The following SH3BP4 variants were observed in gnomAD, a reference collection of about 807,000 sequenced individuals.
SH3BP4 encodes the protein SH3 domain-binding protein 4.
In SH3BP4, 33 loss-of-function variants were observed where a neutral mutation model predicts 65.5. That is an observed-to-expected ratio of 0.50 (90% confidence interval 0.38 to 0.67). The LOEUF (loss-of-function observed/expected upper bound fraction) is 0.67, where lower values mean the gene tolerates loss of function less well. Among genes scored for constraint, SH3BP4 ranks in the 30% least tolerant of loss-of-function variants. The pLI, the probability that SH3BP4 is intolerant of heterozygous loss-of-function variation, is 0.00. For synonymous variants in SH3BP4, 552 were observed against 545.5 expected, an observed-to-expected ratio of 1.01 and a Z score of -0.17; for missense variants, 1,134 against 1,261.4, an observed-to-expected ratio of 0.90 and a Z score of 1.53.
chr2:234,966,867 A>C (rs982581814), intron 1 of SH3BP4, among the ~76,000 whole-genome samples: 2 of 152,266 alleles, frequency 1.3e-5, no homozygotes, highest in Admixed American at 1.3e-4. Flanking sequence ...GCTTTGCTTA[A>C]TTAAGGTAAC....
In SH3BP4 at chr2:234,984,269, C is replaced by T. The variant is rs970950090; in HGVS notation, c.-206-11034C>T. On this transcript the variant is annotated intron_variant, in intron 1 of 5. Transcript: ENST00000392011. Reference sequence around the variant, plus strand: ...CCAGGCTGGAGTGCAGTGGTGCAATCATGGCTCACTGCAACCTCGACCTCT... The same window carrying T: ...CCAGGCTGGAGTGCAGTGGTGCAATTATGGCTCACTGCAACCTCGACCTCT... 7.9e-5 allele frequency among the ~76,000 whole-genome samples: 12 copies of T among 152,334 alleles called. No individual in the cohort carries two copies. In the East Asian group the frequency reaches 2.3e-3, roughly 29 times the overall value.
Position 234,967,134 on chromosome 2 carries a change from T to C in SH3BP4, c.-207+14964T>C, listed in dbSNP as rs1692856371. On this transcript the variant is annotated intron_variant, in intron 1 of 5. Coordinates refer to ENST00000392011, the MANE Select transcript of SH3BP4 (RefSeq NM_014521.3). This position sits in a 1 kb window ranked among gnomAD's most constrained non-coding sequence, Gnocchi z 4.6. Reference sequence around the variant, plus strand: ...CGGGAAACTGAGGAACCATGGGGTTTAGGGACTTGTGTGAGCTGGGAAGTG... The same window carrying C: ...CGGGAAACTGAGGAACCATGGGGTTCAGGGACTTGTGTGAGCTGGGAAGTG... Among the ~76,000 whole-genome samples the C allele has an allele frequency of 6.6e-6, 1 of 152,142 alleles. No homozygotes were observed. Among genetic ancestry groups the C allele is most frequent in the African/African-American group, 2.4e-5 (1 of 41,424 alleles).
rs1327444487 is a variant in SH3BP4 at position 235,041,771 on chromosome 2, C to T, written c.1002C>T (p.Asp334=). The change falls in exon 4 of 6, where the codon GAC becomes GAT. Residue 334 remains aspartate, a synonymous_variant. Transcript: ENST00000392011. This position sits in a 1 kb window ranked among gnomAD's most constrained non-coding sequence, Gnocchi z 6.0. ...CCGGGGGTGCTGTCCAGCTTCCTGA[C>T]ACCAGCATCAGCATCCACGTGCCCG... The part of the protein sequence containing the change: ...DSSGGAVQLP[D]TSISIHVPEG... 2 of 1,598,964 alleles carry T rather than the reference C, an allele frequency of 1.3e-6. No individual in the cohort carries two copies. Among genetic ancestry groups the T allele is most frequent in the East Asian group, 2.2e-5 (1 of 44,626 alleles).
chr2:235,000,634 A>AG lies in SH3BP4; in HGVS notation c.-133+5260dup, dbSNP rs1445660058. 2.6e-5 allele frequency among the ~76,000 whole-genome samples: 4 copies of AG among 152,200 alleles called. No individual in the cohort carries two copies. The East Asian group carries it at 7.7e-4, about 29-fold the overall frequency. On this transcript the variant is annotated intron_variant, in intron 2 of 5. Transcript: ENST00000392011. ...CGATGTTCATGTCCCCATTGCGTAGAGGTGGGTCCTGTAGTCCCACATGTG... is the reference window on the plus strand; with the variant it reads ...CGATGTTCATGTCCCCATTGCGTAGAGGGTGGGTCCTGTAGTCCCACATGTG...
intron 2 of SH3BP4, among the ~76,000 whole-genome samples, chr2:235,016,303 C>CT (rs1381758092): frequency 2.0e-5 from 3 of 152,104 alleles, no homozygotes; most frequent in Non-Finnish European, 4.4e-5. Flanking sequence ...TCTGCTGCTT[C>CT]TGTGTAAGAA....
intron 1 of SH3BP4, among the ~76,000 whole-genome samples, chr2:234,954,902 G>A (rs747526736): frequency 3.3e-5 from 5 of 152,080 alleles, no homozygotes; most frequent in Admixed American, 6.5e-5. Flanking sequence ...GGCAGACCTC[G>A]TCCCTGGACC....
chr2:234,985,718 A>G (rs750244942), intron 1 of SH3BP4, among the ~76,000 whole-genome samples: 2 of 152,222 alleles, frequency 1.3e-5, no homozygotes, highest in Non-Finnish European at 2.9e-5. Context: ...ATGCACACCT[A>G]TGAGCTCAGG....
At chr2:234,992,439 T>C (rs779334578) in intron 1 of SH3BP4, among the ~76,000 whole-genome samples, 12 of 152,154 alleles carry the variant, frequency 7.9e-5, no homozygotes, top group Non-Finnish European at 1.8e-4. Context: ...GAGGAAGGCA[T>C]TGTGGGCCCC....
chr2:234,966,133 C>A lies in SH3BP4; in HGVS notation c.-207+13963C>A, dbSNP rs57276684. Among the ~76,000 whole-genome samples the A allele has an allele frequency of 1.5e-3, 226 of 152,284 alleles. 1 individual carries two copies. Among genetic ancestry groups the A allele is most frequent in the African/African-American group, 5.3e-3 (219 of 41,562 alleles). On this transcript the variant is annotated intron_variant, in intron 1 of 5. Transcript: ENST00000392011. ...GTGGCTCACACCTGTAATCCCAACACTTTGGGAGGCCGAGGCAGGTGGATC... is the reference window on the plus strand; with the variant it reads ...GTGGCTCACACCTGTAATCCCAACAATTTGGGAGGCCGAGGCAGGTGGATC...
intron 1 of SH3BP4, among the ~76,000 whole-genome samples, chr2:234,957,716 G>C (rs953196926): frequency 1.3e-5 from 2 of 151,862 alleles, no homozygotes; most frequent in African/African-American, 2.4e-5. Context: ...AAAGCTTCCC[G>C]GGTGACTGTA....
At chr2:235,001,277 G>A (rs544608818) in intron 2 of SH3BP4, among the ~76,000 whole-genome samples, 4 of 152,242 alleles carry the variant, frequency 2.6e-5, no homozygotes, top group South Asian at 4.2e-4. Context: ...TAAACTTTAC[G>A]GGTGGAGGTA....
At position 234,973,229 on chromosome 2, in the gene SH3BP4, G is replaced by A. The variant is rs555524474; in HGVS notation, c.-207+21059G>A. 7.9e-5 allele frequency among the ~76,000 whole-genome samples: 12 copies of A among 152,258 alleles called. No homozygotes were observed. The South Asian group carries it at 2.3e-3, about 29-fold the overall frequency. ...GGGTGGTTTCACTGGCAGTGCTGACGTCGCCCACACACCATCCACCTGTGA... is the reference window on the plus strand; with the variant it reads ...GGGTGGTTTCACTGGCAGTGCTGACATCGCCCACACACCATCCACCTGTGA... On this transcript the variant is annotated intron_variant, in intron 1 of 5. Coordinates refer to ENST00000392011, the MANE Select transcript of SH3BP4 (RefSeq NM_014521.3).
rs964347495 is a variant in SH3BP4, at chr2:235,046,778, C to T, written c.2478+3531C>T. On this transcript the variant is annotated intron_variant, in intron 4 of 5. Coordinates refer to ENST00000392011, the MANE Select transcript of SH3BP4 (RefSeq NM_014521.3). This position sits in a 1 kb window ranked among gnomAD's most constrained non-coding sequence, Gnocchi z 4.2. ...GAATGAATGAATGAATGAATGCAGG[C>T]CTTGGGCTGGGCTAAGAATCCAAGC... 7.2e-5 allele frequency among the ~76,000 whole-genome samples: 11 copies of T among 152,208 alleles called. No individual in the cohort carries two copies. Among genetic ancestry groups the T allele is most frequent in the African/African-American group, 2.7e-4 (11 of 41,502 alleles).
At chr2:235,015,055 G>T (rs924473635) in intron 2 of SH3BP4, among the ~76,000 whole-genome samples, 1 of 152,208 alleles carries the variant, frequency 6.6e-6, no homozygotes, top group Admixed American at 6.5e-5. Flanking sequence ...CAAATAAGGT[G>T]CAGTGAATAT....
At chr2:234,989,518 C>T (rs1693683904) in intron 1 of SH3BP4, among the ~76,000 whole-genome samples, 2 of 152,108 alleles carry the variant, frequency 1.3e-5, no homozygotes, top group African/African-American at 4.8e-5. Context: ...GCCCTTTGCC[C>T]ACTGCGTAAG....
rs561984940 is a variant in SH3BP4 at position 234,984,028 on chromosome 2, C to G, written c.-206-11275C>G. Among the ~76,000 whole-genome samples the G allele has an allele frequency of 1.2e-4, 18 of 152,294 alleles. No homozygotes were observed. The East Asian group carries it at 3.3e-3, about 28-fold the overall frequency. ...GGGTTCTGCGGCTTTGAGGGAGTTA[C>G]GTTTGAGCAGAGCCATCTGAGGTTG... On this transcript the variant is annotated intron_variant, in intron 1 of 5. Transcript: ENST00000392011.
chr2:234,955,461 C>T (rs145801900), intron 1 of SH3BP4, among the ~76,000 whole-genome samples: 1 of 152,158 alleles, frequency 6.6e-6, no homozygotes, highest in Non-Finnish European at 1.5e-5. Context: ...ACCAGCTCCT[C>T]GGTGGGCCCT....
At chr2:234,961,718 T>C (rs925692592) in intron 1 of SH3BP4, among the ~76,000 whole-genome samples, 2 of 152,000 alleles carry the variant, frequency 1.3e-5, no homozygotes, top group African/African-American at 4.8e-5. Context: ...TTGAACAGAG[T>C]GTAAGGGTTT....
chr2:235,003,177 C>G (rs1694186236), intron 2 of SH3BP4, among the ~76,000 whole-genome samples: 1 of 152,248 alleles, frequency 6.6e-6, no homozygotes, highest in African/African-American at 2.4e-5. Flanking sequence ...TGGGGCATGG[C>G]TGGCAGCAGG....
Sources: allele counts gnomAD v4.1 joint callset (sites outside exome capture counted in the v4.1 genomes callset), GRCh38; gene constraint gnomAD v4.1.1; non-coding constraint Gnocchi (gnomAD v3.1); transcripts MANE v1.5; gene names NCBI Gene and HGNC (gene_info 2026-07-23, HGNC 2026-07-21).